The following KIAA1217 variants were observed in gnomAD, a reference collection of about 807,000 sequenced individuals.
KIAA1217 encodes sickle tail protein homolog.
In KIAA1217, 88 loss-of-function variants were observed where a neutral mutation model predicts 163.9. The observed-to-expected ratio is 0.54, with a 90% CI of 0.45 to 0.64. The LOEUF (loss-of-function observed/expected upper bound fraction) is 0.64, where lower values mean the gene tolerates loss of function less well. Among genes scored for constraint, KIAA1217 ranks in the 30% least tolerant of loss-of-function variants. The pLI, the probability that KIAA1217 is intolerant of heterozygous loss-of-function variation, is 0.00. For synonymous variants in KIAA1217, 903 were observed against 923.1 expected, an observed-to-expected ratio of 0.98 and a Z score of 0.39; for missense variants, 2,372 against 2,475.0, an observed-to-expected ratio of 0.96 and a Z score of 0.88.
intron 1 of KIAA1217, among the ~76,000 whole-genome samples, chr10:23,740,597 C>G (rs1264361910): frequency 6.6e-6 from 1 of 152,088 alleles, no homozygotes; most frequent in Non-Finnish European, 1.5e-5. Context: ...TAGGCTCAAA[C>G]AGTCCTCCCA....
intron 1 of KIAA1217, among the ~76,000 whole-genome samples, chr10:23,925,581 C>T (rs1033882985): frequency 2.0e-5 from 3 of 152,184 alleles, no homozygotes; most frequent in Non-Finnish European, 4.4e-5. Context: ...TAACAAAGTT[C>T]ACTTTTATGC....
chr10:23,902,925 G>C (rs1209423146), intron 1 of KIAA1217, among the ~76,000 whole-genome samples: 1 of 152,100 alleles, frequency 6.6e-6, no homozygotes, highest in East Asian at 1.9e-4. Context: ...GCCAGAAAGA[G>C]AGTCTTGAGG....
intron 1 of KIAA1217, among the ~76,000 whole-genome samples, chr10:23,855,883 C>A (rs977777603): frequency 3.3e-5 from 5 of 152,170 alleles, no homozygotes; most frequent in Non-Finnish European, 7.3e-5. Flanking sequence ...AAGCACTTCT[C>A]TGATTGGTTA....
At chr10:24,188,183 CA>C (rs1254017453) in intron 2 of KIAA1217, among the ~76,000 whole-genome samples, 1 of 148,996 alleles carries the variant, frequency 6.7e-6, no homozygotes, top group Non-Finnish European at 1.5e-5. Context: ...GGTGACAGAG[CA>C]AAAAAAAAGA....
intron 2 of KIAA1217, among the ~76,000 whole-genome samples, chr10:24,082,197 G>A (rs182262399): frequency 1.5e-3 from 230 of 152,234 alleles, no homozygotes; most frequent in Non-Finnish European, 2.6e-3. Flanking sequence ...CAGGATGCCA[G>A]CTGGGCCTTT....
chr10:24,312,768 A>G (rs938679556), intron 2 of KIAA1217, among the ~76,000 whole-genome samples: 3 of 152,102 alleles, frequency 2.0e-5, no homozygotes, highest in African/African-American at 7.2e-5. Flanking sequence ...AATAAAAATT[A>G]GCTGGGTGTG....
intron 2 of KIAA1217, among the ~76,000 whole-genome samples, chr10:24,182,950 T>A (rs10828613): frequency 2.6e-5 from 4 of 151,968 alleles, no homozygotes; most frequent in Non-Finnish European, 5.9e-5. Context: ...GTGGTGGCAT[T>A]AGGAGATGGG....
At chr10:24,432,332 G>T (rs943792570) in intron 3 of KIAA1217, among the ~76,000 whole-genome samples, 3 of 151,580 alleles carry the variant, frequency 2.0e-5, no homozygotes, top group African/African-American at 7.3e-5. Flanking sequence ...TGGCCAGACT[G>T]GTCTGAAACT....
chr10:24,526,721 GGCTCGGGGGAAA>G (rs1334418269), intron 13 of KIAA1217, among the ~76,000 whole-genome samples: 3 of 152,158 alleles, frequency 2.0e-5, no homozygotes, highest in African/African-American at 7.2e-5. Flanking sequence ...GGCCCTCGTA[GGCTCGGGGGAAA>G]GCCAGTGAAC....
chr10:23,971,609 A>G (rs1845320655), intron 1 of KIAA1217, among the ~76,000 whole-genome samples: 5 of 152,204 alleles, frequency 3.3e-5, no homozygotes, highest in South Asian at 2.1e-4. Context: ...CTCTATAGCA[A>G]TTGGATACCA....
Position 23,956,470 on chromosome 10 carries a change from TA to T in KIAA1217, c.-320-50745del, listed in dbSNP as rs376910147. Among the ~76,000 whole-genome samples, 741 of 148,776 alleles carry T rather than the reference TA, an allele frequency of 5.0e-3. 9 individuals are homozygous for T. The highest frequency in any genetic ancestry group is 0.016 in the African/African-American group (659 of 40,858). The stretch of plus-strand genomic sequence containing the variant: ...CAGTGGGCTAATTACCTCACTGCAT[TA>T]AAAAAAAAATGTCTACAGCAGTCAC... On this transcript the variant is annotated intron_variant, in intron 1 of 18. Transcript: ENST00000376462.
At chr10:23,989,066 A>C (rs557426458) in intron 1 of KIAA1217, among the ~76,000 whole-genome samples, 1 of 152,128 alleles carries the variant, frequency 6.6e-6, no homozygotes, top group African/African-American at 2.4e-5. Context: ...TATTTCATTG[A>C]CTCTTCTGGA....
intron 1 of KIAA1217, among the ~76,000 whole-genome samples, chr10:23,963,958 A>C (rs1844939478): frequency 6.6e-6 from 1 of 150,650 alleles, no homozygotes; most frequent in African/African-American, 2.5e-5. Context: ...CAGTAGTGCA[A>C]TCTTGGCTCA....
intron 1 of KIAA1217, among the ~76,000 whole-genome samples, chr10:23,722,981 A>G (rs1168207595): frequency 6.6e-6 from 1 of 152,140 alleles, no homozygotes; most frequent in Non-Finnish European, 1.5e-5. Context: ...TGGTGGCAAA[A>G]TGTAGCCAAA....
chr10:24,459,571 T>C (rs947094610), intron 5 of KIAA1217, among the ~76,000 whole-genome samples: 1 of 152,130 alleles, frequency 6.6e-6, no homozygotes, highest in Admixed American at 6.5e-5. Context: ...CCACAGAATC[T>C]CATCATTGGA....
At chr10:24,426,799 G>A (rs12781139) in intron 3 of KIAA1217, among the ~76,000 whole-genome samples, 11,557 of 152,244 alleles carry the variant, frequency 0.076, 487 homozygotes, top group East Asian at 0.12. Context: ...GTGGCGCAGC[G>A]TGTGGGATGA....
chr10:24,541,302 G>A (rs144044852), intron 17 of KIAA1217, among the ~76,000 whole-genome samples: 31 of 151,950 alleles, frequency 2.0e-4, no homozygotes, highest in African/African-American at 6.5e-4. Flanking sequence ...TGCAGCAGCC[G>A]AATCATGGCA....
chr10:23,939,535 C>G (rs1843668031), intron 1 of KIAA1217, among the ~76,000 whole-genome samples: 3 of 151,828 alleles, frequency 2.0e-5, no homozygotes, highest in African/African-American at 7.3e-5. Flanking sequence ...ATTTATATAA[C>G]AGTACATAAA....
At chr10:24,488,295 G>C (rs1222313808) in intron 6 of KIAA1217, among the ~76,000 whole-genome samples, 1 of 152,162 alleles carries the variant, frequency 6.6e-6, no homozygotes, top group African/African-American at 2.4e-5. Context: ...GTGGATGGGA[G>C]CACCAGGGAT....
Sources: gnomAD v4.1 joint callset for allele counts (sites outside exome capture counted in the v4.1 genomes callset) on GRCh38, gnomAD v4.1.1 for gene constraint, MANE v1.5 for transcripts, NCBI Gene and HGNC (gene_info 2026-07-23, HGNC 2026-07-21) for gene names.